The following IFFO2 variants were observed in gnomAD, a reference collection of about 807,000 sequenced individuals.
IFFO2 encodes the protein intermediate filament family orphan 2.
A neutral mutation model predicts 53.5 loss-of-function variants in IFFO2; 19 were observed. That is an observed-to-expected ratio of 0.36 (90% confidence interval 0.25 to 0.52). The LOEUF is 0.52. Ranked by LOEUF, IFFO2 falls within the 20% of genes least tolerant of loss-of-function variation. The pLI is 0.94. For missense variants in IFFO2, 570 were observed against 727.4 expected, an observed-to-expected ratio of 0.78 and a Z score of 2.49; for synonymous variants, 303 against 313.6, an observed-to-expected ratio of 0.97 and a Z score of 0.36.
rs1936129369 is a variant in IFFO2, at chr1:18,916,091, C to T, written c.1103+812G>A. Among the ~76,000 whole-genome samples, 2 of 151,934 alleles carry T rather than the reference C, an allele frequency of 1.3e-5. No individual in the cohort carries two copies. The highest frequency in any genetic ancestry group is 6.6e-5 in the Admixed American group (1 of 15,240). ...AGTGAGCCGAGATCTGGCCGCTATA[C>T]TCCAGTCTGGGTGACAGAGTGAGAC... On this transcript the variant is annotated intron_variant, in intron 5 of 8. Coordinates refer to ENST00000455833, the MANE Select transcript of IFFO2 (RefSeq NM_001136265.2). This position sits in a 1 kb window ranked among gnomAD's most constrained non-coding sequence, Gnocchi z 4.3.
rs1935959724 is a variant in IFFO2 at position 18,907,057 on chromosome 1, C to G, written c.*1504G>C. 6.6e-6 allele frequency: 1 copy of G among 152,238 alleles called. No homozygotes were observed. Among genetic ancestry groups the G allele is most frequent in the Non-Finnish European group, 1.5e-5 (1 of 68,044 alleles). The allele number at this position is 152,238 out of a possible 1,614,324, so 9.4% of individuals were successfully genotyped here. A position where few individuals can be genotyped will look rare whatever the true frequency, so the allele number is the denominator to read the frequency against. On this transcript the variant is annotated 3_prime_UTR_variant, in exon 9 of 9. Coordinates refer to ENST00000455833, the MANE Select transcript of IFFO2 (RefSeq NM_001136265.2). ...AACCCAGAGCCCCCTCCTTCTGCCTCCAGGCAAGGCAGAGGGACCCAAGTT... is the reference window on the plus strand; with the variant it reads ...AACCCAGAGCCCCCTCCTTCTGCCTGCAGGCAAGGCAGAGGGACCCAAGTT...
At chr1:18,950,760 G>A (rs1173808634) in intron 1 of IFFO2, among the ~76,000 whole-genome samples, 1 of 152,188 alleles carries the variant, frequency 6.6e-6, no homozygotes, top group Non-Finnish European at 1.5e-5. Context: ...GGCCCCCCTG[G>A]GGTGTGACGG....
At chr1:18,945,654 G>A (rs1936578567) in intron 1 of IFFO2, among the ~76,000 whole-genome samples, 1 of 152,260 alleles carries the variant, frequency 6.6e-6, no homozygotes, top group Non-Finnish European at 1.5e-5. Flanking sequence ...AGGGCGCTGA[G>A]CAAGCATCTC....
rs959242793 is a variant in IFFO2 at position 18,956,282 on chromosome 1, C to A, written c.51G>T (p.Pro17=). The A allele has an allele frequency of 3.3e-5, 26 of 781,380 alleles. No homozygotes were observed. The highest frequency in any genetic ancestry group is 3.9e-5 in the Non-Finnish European group (24 of 619,438). 48.4% of individuals were successfully genotyped at this position (781,380 alleles called of 1,614,324 possible). A position where few individuals can be genotyped will look rare whatever the true frequency, so the allele number is the denominator to read the frequency against. The change falls in exon 1 of 9, where the codon CCG becomes CCT. Residue 17 remains proline (P), a synonymous_variant. Transcript: ENST00000455833. This position sits in a 1 kb window ranked among gnomAD's most constrained non-coding sequence, Gnocchi z 6.4. The stretch of plus-strand genomic sequence containing the variant: ...GGCAGCCCCCGCCGCCGCCGCCCGG[C>A]GGGCAGCCGAAGGCCAAGGCCATCT... The part of the protein sequence containing the change: ...FGEMALAFGC[P]PGGGGGGCPG...
chr1:18,943,101 T>C (rs970289260), intron 1 of IFFO2, among the ~76,000 whole-genome samples: 1 of 152,158 alleles, frequency 6.6e-6, no homozygotes, highest in East Asian at 1.9e-4. Context: ...CCATGGTGGC[T>C]CACATCTGTA....
Position 18,917,122 on chromosome 1 carries a change from G to A in IFFO2, c.964-80C>T, listed in dbSNP as rs982092097. The A allele has an allele frequency of 9.6e-5, 140 of 1,461,626 alleles. No individual in the cohort carries two copies. The highest frequency in any genetic ancestry group is 1.2e-4 in the Non-Finnish European group (129 of 1,080,686). 90.5% of individuals were successfully genotyped at this position (1,461,626 alleles called of 1,614,324 possible). On this transcript the variant is annotated intron_variant, in intron 4 of 8. Coordinates refer to ENST00000455833, the MANE Select transcript of IFFO2 (RefSeq NM_001136265.2). The surrounding 1 kb of genome is among the most constrained non-coding windows in gnomAD (Gnocchi z 5.9). ...GTAGGGGTGAACTGGGAAGGGAGCC[G>A]GCATCTCACAGGATGATGAGCGTGA...
intron 1 of IFFO2, among the ~76,000 whole-genome samples, chr1:18,954,608 C>T (rs1039251237): frequency 6.6e-6 from 1 of 152,270 alleles, no homozygotes; most frequent in Non-Finnish European, 1.5e-5. Context: ...AGGGCCCCTT[C>T]CCCAGCCAGG....
chr1:18,944,566 A>G (rs1186202225), intron 1 of IFFO2, among the ~76,000 whole-genome samples: 1 of 151,998 alleles, frequency 6.6e-6, no homozygotes, highest in Non-Finnish European at 1.5e-5. Context: ...GCCCCCCACC[A>G]TGATGTCAAG....
rs756812198 is a variant in IFFO2, at chr1:18,917,594, G to A, written c.964-552C>T. 2.0e-5 allele frequency among the ~76,000 whole-genome samples: 3 copies of A among 152,204 alleles called. No individual in the cohort carries two copies. The highest frequency in any genetic ancestry group is 4.4e-5 in the Non-Finnish European group (3 of 68,032). On this transcript the variant is annotated intron_variant, in intron 4 of 8. Transcript: ENST00000455833. This position sits in a 1 kb window ranked among gnomAD's most constrained non-coding sequence, Gnocchi z 5.9. ...GCAAGAAGGCATGGAGGTGGAGAGA[G>A]GGCCCCAGGGAGGCCCAGATCTGGC... is the stretch of plus-strand genomic sequence containing the variant.
chr1:18,939,556 C>A (rs2148184608), intron 1 of IFFO2, among the ~76,000 whole-genome samples: 1 of 152,328 alleles, frequency 6.6e-6, no homozygotes, highest in Admixed American at 6.5e-5. Flanking sequence ...ATGTGCCTCC[C>A]TCCCAGAAAC....
intron 1 of IFFO2, among the ~76,000 whole-genome samples, chr1:18,934,057 C>CTTTTTTTTTTTTTTTTTTTTTT (rs71577808): frequency 4.3e-5 from 3 of 70,330 alleles, no homozygotes; most frequent in Non-Finnish European, 7.6e-5. Context: ...TCTCTTATTT[C>CTTTTTTTTTTTTTTTTTTTTTT]TTTTTTTTTT....
At chr1:18,940,614 C>G (rs921660337) in intron 1 of IFFO2, among the ~76,000 whole-genome samples, 1 of 149,904 alleles carries the variant, frequency 6.7e-6, no homozygotes, top group South Asian at 2.2e-4. Flanking sequence ...GATGGACAGA[C>G]GGACGGACAG....
intron 1 of IFFO2, among the ~76,000 whole-genome samples, chr1:18,934,488 A>T (rs952162946): frequency 6.6e-6 from 1 of 152,224 alleles, no homozygotes; most frequent in Non-Finnish European, 1.5e-5. Flanking sequence ...TACCTGCTCA[A>T]AACATCAAAA....
intron 1 of IFFO2, among the ~76,000 whole-genome samples, chr1:18,929,626 C>A (rs1936346392): frequency 6.7e-6 from 1 of 149,332 alleles, no homozygotes. Context: ...CTTTGCAGGG[C>A]AGCTAGCTGG....
In IFFO2 at chr1:18,908,543, C is replaced by T. The variant is rs1294790340; in HGVS notation, c.*18G>A. 6.5e-7 allele frequency: 1 copy of T among 1,536,872 alleles called. No individual in the cohort carries two copies. Among genetic ancestry groups the T allele is most frequent in the South Asian group, 1.2e-5 (1 of 83,750 alleles). On this transcript the variant is annotated 3_prime_UTR_variant, in exon 9 of 9. Transcript: ENST00000455833. ...GGGCCCCATCACCAAGACCACCAGG[C>T]TCGCAGGGCCTCAGTCATCAGCTGA...
chr1:18,947,700 G>C lies in IFFO2; in HGVS notation c.665+7968C>G. Among the ~76,000 whole-genome samples, 1 of 152,202 alleles carries C rather than the reference G, an allele frequency of 6.6e-6. No homozygotes were observed. Among genetic ancestry groups the C allele is most frequent in the Non-Finnish European group, 1.5e-5 (1 of 68,036 alleles). On this transcript the variant is annotated intron_variant, in intron 1 of 8. Transcript: ENST00000455833. This position sits in a 1 kb window ranked among gnomAD's most constrained non-coding sequence, Gnocchi z 5.0. ...ATTGAGACCTTCTCCAAAGAGCAGG[G>C]GCCTGGACAGGCCTGCTACAGTGGC... is the stretch of plus-strand genomic sequence containing the variant.
rs77352288 is a variant in IFFO2 at position 18,912,277 on chromosome 1, T to G, written c.1104-194A>C. ...TAACTCTTTTAAAATGCAGAATGTA[T>G]TTATGTATTGCTTGTACAATTAAAA... On this transcript the variant is annotated intron_variant, in intron 5 of 8. Coordinates refer to ENST00000455833, the MANE Select transcript of IFFO2 (RefSeq NM_001136265.2). Among the ~76,000 whole-genome samples, 818 of 151,834 alleles carry G rather than the reference T, an allele frequency of 5.4e-3. 10 individuals carry two copies. The highest frequency in any genetic ancestry group is 0.047 in the South Asian group (226 of 4,802).
rs1936648835 is a variant in IFFO2, at chr1:18,950,677, A to G, written c.665+4991T>C. On this transcript the variant is annotated intron_variant, in intron 1 of 8. Coordinates refer to ENST00000455833, the MANE Select transcript of IFFO2 (RefSeq NM_001136265.2). ...TGTCAATGGGAGTGGCAGGGAACAAAGCCCTCAGCTTTCTATTCCAGGGCA... is the reference window on the plus strand; with the variant it reads ...TGTCAATGGGAGTGGCAGGGAACAAGGCCCTCAGCTTTCTATTCCAGGGCA... Among the ~76,000 whole-genome samples, 4 of 152,342 alleles carry G rather than the reference A, an allele frequency of 2.6e-5. No individual in the cohort carries two copies. In the East Asian group the frequency reaches 7.7e-4, roughly 29 times the overall value.
chr1:18,922,732 C>T (rs533044479), intron 1 of IFFO2, among the ~76,000 whole-genome samples: 2 of 152,182 alleles, frequency 1.3e-5, no homozygotes, highest in African/African-American at 4.8e-5. Flanking sequence ...AGGGAGGGAA[C>T]CTAAGGGCCT....
Sources: allele counts gnomAD v4.1 joint callset (sites outside exome capture counted in the v4.1 genomes callset), GRCh38; gene constraint gnomAD v4.1.1; non-coding constraint Gnocchi (gnomAD v3.1); transcripts MANE v1.5; gene names NCBI Gene and HGNC (gene_info 2026-07-23, HGNC 2026-07-21).